Variants in CLIC5 observed in about 807,000 individuals in gnomAD.
CLIC5 encodes the protein chloride intracellular channel protein 5.
CLIC5 carries 20 observed loss-of-function variants against 24.7 expected under a neutral mutation model. The observed-to-expected ratio is 0.81, with a 90% confidence interval of 0.57 to 1.18. The LOEUF (loss-of-function observed/expected upper bound fraction) is 1.18, where lower values mean the gene tolerates loss of function less well. Ranked by LOEUF, CLIC5 falls within the 50% of genes most tolerant of loss-of-function variation. The pLI, the probability that CLIC5 is intolerant of heterozygous loss-of-function variation, is 0.00. For missense variants in CLIC5, 341 were observed against 326.1 expected (o/e 1.05, Z -0.35); for synonymous variants, 159 against 135.6 (o/e 1.17, Z -1.20).
At chr6:45,990,843 A>G (rs1765910761) in intron 1 of CLIC5, among the ~76,000 whole-genome samples, 2 of 152,200 alleles carry the variant, frequency 1.3e-5, no homozygotes, top group Non-Finnish European at 2.9e-5. Flanking sequence ...GTGATGTCAG[A>G]CAAACCTGGA....
At chr6:46,038,349 C>T (rs555028920) in intron 1 of CLIC5, among the ~76,000 whole-genome samples, 51 of 152,330 alleles carry the variant, frequency 3.3e-4, no homozygotes, top group African/African-American at 1.1e-3. Flanking sequence ...AGGTGCTTCC[C>T]ACCCAGGTGG....
chr6:45,944,637 A>G (rs1764233277), intron 3 of CLIC5, among the ~76,000 whole-genome samples: 1 of 151,902 alleles, frequency 6.6e-6, no homozygotes, highest in Non-Finnish European at 1.5e-5. Flanking sequence ...TAAGTGCCCT[A>G]TCTGGTTTAG....
At position 45,980,698 on chromosome 6, in the gene CLIC5, C is replaced by A. The variant is rs138337817; in HGVS notation, c.64-25454G>T. Among the ~76,000 whole-genome samples the A allele has an allele frequency of 2.2e-3, 333 of 150,686 alleles. 1 individual carries two copies. Among genetic ancestry groups the A allele is most frequent in the Middle Eastern group, 6.8e-3 (2 of 292 alleles). ...TGCAAAATGTATCGGTTGTATAATT[C>A]CAATAATTAAAAAAAAAAAACCTAG... On this transcript the variant is annotated intron_variant, in intron 1 of 5. Coordinates refer to ENST00000339561, the MANE Select transcript of CLIC5 (RefSeq NM_016929.5).
intron 5 of CLIC5, chr6:45,912,748 A>T: frequency 6.6e-7 from 1 of 1,518,634 alleles, no homozygotes. Flanking sequence ...TCCTAAGGAG[A>T]AGAAGAATAA....
the CLIC5 span, among the ~76,000 whole-genome samples, chr6:46,101,992 G>A: frequency 7.9e-5 from 12 of 151,910 alleles, no homozygotes; most frequent in Non-Finnish European, 1.5e-4. Flanking sequence ...GTTGGGGGTG[G>A]GGGTGGTATG....
chr6:46,000,552 A>T (rs899563709), intron 1 of CLIC5, among the ~76,000 whole-genome samples: 44 of 152,184 alleles, frequency 2.9e-4, no homozygotes, highest in Non-Finnish European at 1.8e-4. Context: ...GCTATGAAGA[A>T]ATACCCAAGA....
At chr6:46,001,779 C>T (rs1456848570) in intron 1 of CLIC5, among the ~76,000 whole-genome samples, 1 of 152,218 alleles carries the variant, frequency 6.6e-6, no homozygotes, top group Non-Finnish European at 1.5e-5. Flanking sequence ...TTGAGCAAAA[C>T]ACCTAACCTT....
chr6:46,041,325 C>T (rs893049807), intron 1 of CLIC5, among the ~76,000 whole-genome samples: 4 of 152,158 alleles, frequency 2.6e-5, no homozygotes, highest in African/African-American at 9.7e-5. Flanking sequence ...AAAACCAACA[C>T]CATTACTATC....
chr6:45,911,837 C>T, intron 5 of CLIC5: 2 of 985,500 alleles, frequency 2.0e-6, no homozygotes, highest in Non-Finnish European at 2.4e-6. Flanking sequence ...ACCTGTGCAC[C>T]CTGGGCCTTG....
chr6:45,976,653 C>T (rs943829485), intron 1 of CLIC5, among the ~76,000 whole-genome samples: 1 of 152,170 alleles, frequency 6.6e-6, no homozygotes, highest in South Asian at 2.1e-4. Context: ...TTAAAAATGT[C>T]AAATAACCCC....
chr6:46,093,667 T>G, the CLIC5 span, among the ~76,000 whole-genome samples: 2 of 152,226 alleles, frequency 1.3e-5, no homozygotes, highest in African/African-American at 4.8e-5. Flanking sequence ...TCTTATAAAC[T>G]GTTGGTAGGA....
intron 6 of CLIC5, among the ~76,000 whole-genome samples, chr6:45,893,222 C>T (rs564058899): frequency 1.9e-4 from 29 of 150,542 alleles, no homozygotes; most frequent in Non-Finnish European, 4.1e-4. Context: ...ATATTTAGTG[C>T]CACCCTGGTT....
intron 5 of CLIC5, among the ~76,000 whole-genome samples, chr6:45,909,305 T>C (rs946413175): frequency 2.0e-5 from 3 of 152,054 alleles, no homozygotes; most frequent in Non-Finnish European, 4.4e-5. Flanking sequence ...ATATGTGAGG[T>C]TTTGATCTTT....
At chr6:46,005,973 T>C (rs576306672) in intron 1 of CLIC5, among the ~76,000 whole-genome samples, 2 of 128,870 alleles carry the variant, frequency 1.6e-5, no homozygotes, top group East Asian at 4.3e-4. Context: ...GGACAGAGCC[T>C]ATGTGTGTAT....
intron 1 of CLIC5, among the ~76,000 whole-genome samples, chr6:45,987,936 C>T (rs1359698311): frequency 1.3e-5 from 2 of 152,130 alleles, no homozygotes; most frequent in Non-Finnish European, 2.9e-5. Flanking sequence ...TGTCCCTGGC[C>T]CCCCAAAGTT....
At chr6:46,109,183 T>C in the CLIC5 span, among the ~76,000 whole-genome samples, 1 of 152,140 alleles carries the variant, frequency 6.6e-6, no homozygotes, top group Admixed American at 6.6e-5. Flanking sequence ...CCATAGACAA[T>C]TATTCTTTTA....
chr6:45,916,426 T>G (rs1763034552), intron 4 of CLIC5, among the ~76,000 whole-genome samples: 1 of 152,230 alleles, frequency 6.6e-6, no homozygotes. Flanking sequence ...TTTATTTGTT[T>G]GCTTGCTCAA....
At chr6:46,090,141 C>A in the CLIC5 span, among the ~76,000 whole-genome samples, 1 of 152,070 alleles carries the variant, frequency 6.6e-6, no homozygotes. Flanking sequence ...TAGAAAAATA[C>A]CAGATGTCTA....
chr6:45,969,796 G>GTTTTTTTT, intron 1 of CLIC5, among the ~76,000 whole-genome samples: 1 of 105,312 alleles, frequency 9.5e-6, no homozygotes, highest in Non-Finnish European at 1.8e-5. Flanking sequence ...TCACATCAAG[G>GTTTTTTTT]TTTTTTTTTT....
Sources: gnomAD v4.1 joint callset for allele counts (sites outside exome capture counted in the v4.1 genomes callset) on GRCh38, gnomAD v4.1.1 for gene constraint, MANE v1.5 for transcripts, NCBI Gene and HGNC (gene_info 2026-07-23, HGNC 2026-07-21) for gene names.